SLC9A9: variants seen among roughly 807,000 people sequenced by gnomAD.
SLC9A9 encodes solute carrier family 9 member A9, also known as sodium/hydrogen exchanger 9.
In SLC9A9, 62 loss-of-function variants were observed where a neutral mutation model predicts 77.8. The ratio of observed to expected loss-of-function variants is 0.80; its 90% CI spans 0.65 to 0.98. SLC9A9 has a LOEUF of 0.98. SLC9A9 is among the 50% of genes least tolerant of loss of function. The pLI is 0.00. For missense variants in SLC9A9, 775 were observed against 774.9 expected, an observed-to-expected ratio of 1.00 and a Z score of 0.00; for synonymous variants, 320 against 283.5, an observed-to-expected ratio of 1.13 and a Z score of -1.29.
chr3:143,650,603 T>A (rs1214887472), intron 6 of SLC9A9, among the ~76,000 whole-genome samples: 1 of 152,222 alleles, frequency 6.6e-6, no homozygotes, highest in African/African-American at 2.4e-5. Context: ...ATGTTTTTAC[T>A]TACGATTACC....
At chr3:143,704,408 G>T (rs961244448) in intron 4 of SLC9A9, among the ~76,000 whole-genome samples, 2 of 152,102 alleles carry the variant, frequency 1.3e-5, no homozygotes, top group African/African-American at 2.4e-5. Context: ...GGGAAGCAAG[G>T]ATGTCTCAAC....
intron 5 of SLC9A9, among the ~76,000 whole-genome samples, chr3:143,679,143 A>AAAC (rs780850105): frequency 2.6e-5 from 4 of 152,134 alleles, no homozygotes; most frequent in Non-Finnish European, 5.9e-5. Context: ...ACAAACAAAC[A>AAAC]AACAAAAACT....
intron 4 of SLC9A9, among the ~76,000 whole-genome samples, chr3:143,728,515 T>C (rs933120177): frequency 1.3e-5 from 2 of 152,080 alleles, no homozygotes; most frequent in African/African-American, 2.4e-5. Flanking sequence ...AGGAAGGCAG[T>C]GCCTTGCCAG....
chr3:143,733,627 C>G (rs1016636868), intron 4 of SLC9A9, among the ~76,000 whole-genome samples: 1 of 151,894 alleles, frequency 6.6e-6, no homozygotes, highest in African/African-American at 2.4e-5. Context: ...TCCCATACAC[C>G]CTGGTGTGAC....
At position 143,740,918 on chromosome 3, in the gene SLC9A9, G is replaced by A. The variant is rs180974142; in HGVS notation, c.534-47611C>T. On this transcript the variant is annotated intron_variant, in intron 4 of 15. Coordinates refer to ENST00000316549, the MANE Select transcript of SLC9A9 (RefSeq NM_173653.4). ...AACAATTAAGTAAATGGCTTCTCACGGTTGCAGTGAAAATTTACAGATCAG... is the reference window on the plus strand; with the variant it reads ...AACAATTAAGTAAATGGCTTCTCACAGTTGCAGTGAAAATTTACAGATCAG... Among the ~76,000 whole-genome samples, 558 of 152,204 alleles carry A rather than the reference G, an allele frequency of 3.7e-3. 2 individuals are homozygous for A. Among genetic ancestry groups the A allele is most frequent in the Middle Eastern group, 0.02 (6 of 294 alleles).
chr3:143,457,451 A>T (rs2035114314), intron 12 of SLC9A9, among the ~76,000 whole-genome samples: 1 of 152,096 alleles, frequency 6.6e-6, no homozygotes, highest in Admixed American at 6.6e-5. Flanking sequence ...TTTCTCTATT[A>T]CCAAGTCTAT....
intron 6 of SLC9A9, among the ~76,000 whole-genome samples, chr3:143,624,731 C>T (rs966888882): frequency 7.2e-5 from 11 of 152,202 alleles, no homozygotes; most frequent in Non-Finnish European, 1.5e-4. Context: ...TCTCTTACCA[C>T]TCCTATTCAA....
chr3:143,426,871 A>G (rs1031483042), intron 12 of SLC9A9, among the ~76,000 whole-genome samples: 2 of 152,218 alleles, frequency 1.3e-5, no homozygotes, highest in African/African-American at 2.4e-5. Context: ...AGTTTACAAC[A>G]GAGGAAATGG....
intron 5 of SLC9A9, among the ~76,000 whole-genome samples, chr3:143,687,575 A>G (rs188547454): frequency 6.6e-6 from 1 of 152,308 alleles, no homozygotes; most frequent in African/African-American, 2.4e-5. Flanking sequence ...CTCAGAATAT[A>G]GTTAGCAGGC....
chr3:143,663,454 T>C (rs2039012820), intron 5 of SLC9A9, among the ~76,000 whole-genome samples: 1 of 152,282 alleles, frequency 6.6e-6, no homozygotes, highest in East Asian at 1.9e-4. Flanking sequence ...CAAAGCTGGA[T>C]GGAGAACGAA....
At chr3:143,417,154 G>T (rs1226517015) in intron 12 of SLC9A9, among the ~76,000 whole-genome samples, 1 of 152,050 alleles carries the variant, frequency 6.6e-6, no homozygotes, top group East Asian at 1.9e-4. Flanking sequence ...AGAATCTATT[G>T]CTCAGGGGAG....
At chr3:143,549,364 T>A (rs2036842526) in intron 9 of SLC9A9, among the ~76,000 whole-genome samples, 1 of 152,160 alleles carries the variant, frequency 6.6e-6, no homozygotes, top group African/African-American at 2.4e-5. Flanking sequence ...TATGTATAAA[T>A]ATGTACATAG....
intron 5 of SLC9A9, among the ~76,000 whole-genome samples, chr3:143,691,420 G>A (rs1247707468): frequency 2.6e-5 from 4 of 151,984 alleles, no homozygotes; most frequent in Non-Finnish European, 2.9e-5. Context: ...ACCCACATTC[G>A]AGAGCTGGCC....
intron 4 of SLC9A9, among the ~76,000 whole-genome samples, chr3:143,747,788 T>C (rs1352676042): frequency 6.6e-6 from 1 of 152,224 alleles, no homozygotes; most frequent in Admixed American, 6.5e-5. Context: ...ATATTTCGAT[T>C]GTTTTAAACT....
chr3:143,647,151 T>C (rs2038720859), intron 6 of SLC9A9, among the ~76,000 whole-genome samples: 1 of 152,190 alleles, frequency 6.6e-6, no homozygotes, highest in African/African-American at 2.4e-5. Flanking sequence ...TCCCATCCTG[T>C]GAGGTAAGTG....
chr3:143,415,680 G>C (rs1025883610), intron 12 of SLC9A9, among the ~76,000 whole-genome samples: 1 of 152,208 alleles, frequency 6.6e-6, no homozygotes, highest in African/African-American at 2.4e-5. Flanking sequence ...GGATGTAAAA[G>C]GAGATTGATG....
intron 12 of SLC9A9, among the ~76,000 whole-genome samples, chr3:143,410,478 C>T (rs1218099276): frequency 6.6e-6 from 1 of 152,208 alleles, no homozygotes; most frequent in African/African-American, 2.4e-5. Context: ...AATTCTTACT[C>T]ATCTTCGACT....
At chr3:143,572,617 C>T (rs2037284191) in intron 8 of SLC9A9, among the ~76,000 whole-genome samples, 1 of 152,118 alleles carries the variant, frequency 6.6e-6, no homozygotes, top group Non-Finnish European at 1.5e-5. Flanking sequence ...TGGCAATGCA[C>T]TAAAATAACA....
At chr3:143,547,156 T>C (rs915299649) in intron 9 of SLC9A9, among the ~76,000 whole-genome samples, 7 of 152,244 alleles carry the variant, frequency 4.6e-5, no homozygotes, top group Admixed American at 4.6e-4. Flanking sequence ...ATTTTGGATT[T>C]CTTAACATTG....
Sources: gnomAD v4.1 joint callset for allele counts (sites outside exome capture counted in the v4.1 genomes callset) on GRCh38, gnomAD v4.1.1 for gene constraint, MANE v1.5 for transcripts, NCBI Gene and HGNC (gene_info 2026-07-23, HGNC 2026-07-21) for gene names.